PRDX5: variants seen among roughly 807,000 people sequenced by gnomAD.
PRDX5 encodes the protein peroxiredoxin-5, mitochondrial.
A neutral mutation model predicts 23.8 loss-of-function variants in PRDX5; 21 were observed. The ratio of observed to expected loss-of-function variants is 0.88; its 90% CI spans 0.63 to 1.27. The LOEUF (loss-of-function observed/expected upper bound fraction) is 1.27. Among genes scored for constraint, PRDX5 ranks in the 50% most tolerant of loss-of-function variants. The pLI, the probability that PRDX5 is intolerant of heterozygous loss-of-function variation, is 0.00. For synonymous variants in PRDX5, 111 were observed against 113.3 expected (o/e 0.98, Z 0.13); for missense variants, 261 against 270.6 (o/e 0.96, Z 0.25).
intron 2 of PRDX5, among the ~76,000 whole-genome samples, chr11:64,320,372 A>G (rs1301943049): frequency 3.3e-5 from 5 of 152,160 alleles, no homozygotes; most frequent in Admixed American, 1.3e-4. Flanking sequence ...ATTAAATCCA[A>G]CACCCCTGTT....
chr11:64,319,274 C>T (rs529856741), intron 1 of PRDX5, among the ~76,000 whole-genome samples: 27 of 152,046 alleles, frequency 1.8e-4, no homozygotes, highest in Non-Finnish European at 2.8e-4. Flanking sequence ...GCCTGGACAC[C>T]CTCCCCCAAC....
At position 64,318,127 on chromosome 11, in the gene PRDX5, C is replaced by T. The variant is rs2135271837; in HGVS notation, c.-89C>T. ...GGAGGCGGCCCAGGCCCGCCTTCCG[C>T]AGGGTGTCGCCGCTGTGCCGCTAGC... On this transcript the variant is annotated 5_prime_UTR_variant, in exon 1 of 6. Coordinates refer to ENST00000265462, the MANE Select transcript of PRDX5 (RefSeq NM_012094.5). The T allele has an allele frequency of 6.4e-7, 1 of 1,554,142 alleles. No individual in the cohort carries two copies. Among genetic ancestry groups the T allele is most frequent in the East Asian group, 2.3e-5 (1 of 42,594 alleles).
At chr11:64,318,837 A>ACCCCCCCCCCCCCCCCCCCCCCC (rs374862180) in intron 1 of PRDX5, among the ~76,000 whole-genome samples, 7 of 77,464 alleles carry the variant, frequency 9.0e-5, no homozygotes, top group African/African-American at 2.5e-4. Flanking sequence ...CCTCAGGTGA[A>ACCCCCCCCCCCCCCCCCCCCCCC]CCCCCCCCGC....
chr11:64,319,638 T>A, intron 1 of PRDX5, 96 bp from the exon 2 acceptor site: 2 of 1,457,036 alleles, frequency 1.4e-6, no homozygotes, highest in Non-Finnish European at 1.9e-6. Flanking sequence ...CAGCCCCGGT[T>A]CCTGCAGGCA....
chr11:64,321,210 G>A (rs2035489739), intron 5 of PRDX5, 142 bp downstream of exon 5: 1 of 1,020,528 alleles, frequency 9.8e-7, no homozygotes, highest in East Asian at 2.4e-5. Flanking sequence ...CGTCTGTGGG[G>A]AGAGTCCTGT....
At position 64,321,019 on chromosome 11, in the gene PRDX5, T is replaced by C. The variant is rs1395680544; in HGVS notation, c.490T>C (p.Leu164=). The C allele has an allele frequency of 2.5e-6, 4 of 1,614,148 alleles. No individual in the cohort carries two copies. Among genetic ancestry groups the C allele is most frequent in the Admixed American group, 1.7e-5 (1 of 60,030 alleles). Reference sequence around the variant, plus strand: ...TGTCTCTTCTTAGGAGACAGACTTATTACTAGATGATTCGCTGGTGTCCAT... The same window carrying C: ...TGTCTCTTCTTAGGAGACAGACTTACTACTAGATGATTCGCTGGTGTCCAT... ...TGAFGKETDL[L]LDDSLVSIFG... The change falls in exon 5 of 6, where the codon TTA becomes CTA. Residue 164 remains leucine (L), a synonymous_variant. Coordinates refer to ENST00000265462, the MANE Select transcript of PRDX5 (RefSeq NM_012094.5).
Position 64,319,818 on chromosome 11 carries a change from A to C in PRDX5, c.256A>C (p.Lys86Gln). The C allele has an allele frequency of 6.2e-7, 1 of 1,614,134 alleles. No individual in the cohort carries two copies. Among genetic ancestry groups the C allele is most frequent in the Non-Finnish European group, 8.5e-7 (1 of 1,180,002 alleles). The part of the protein sequence containing the change: ...VNLAELFKGK[K>Q]GVLFGVPGAF... ...CCTGGCAGAGCTGTTCAAGGGCAAGAAGGGTGTGCTGTTTGGAGTTCCTGG... is the reference window on the plus strand; with the variant it reads ...CCTGGCAGAGCTGTTCAAGGGCAAGCAGGGTGTGCTGTTTGGAGTTCCTGG... The change falls in exon 2 of 6, where the codon AAG (lysine) becomes CAG (glutamine). Residue 86 changes from lysine (K) to glutamine (Q), a missense_variant. Physicochemically the swap from Lys to Gln is moderately conservative, Grantham distance 53. Coordinates refer to ENST00000265462, the MANE Select transcript of PRDX5 (RefSeq NM_012094.5).
rs2035505961 is a variant in PRDX5 at position 64,321,736 on chromosome 11, G to A, written c.*45G>A. ...TCCTCCACCCCTCCCTATCTCACCT[G>A]CCCAGCCCTGTGCTGGGGCCCTGCA... On this transcript the variant is annotated 3_prime_UTR_variant, in exon 6 of 6. Transcript: ENST00000265462. The A allele has an allele frequency of 2.0e-6, 3 of 1,527,856 alleles. No individual in the cohort carries two copies. Among genetic ancestry groups the A allele is most frequent in the South Asian group, 2.4e-5 (2 of 82,042 alleles). The allele number at this position is 1,527,856 out of a possible 1,614,324, so 94.6% of individuals were successfully genotyped here. A position where few individuals can be genotyped will look rare whatever the true frequency, so the allele number is the denominator to read the frequency against.
In PRDX5 at chr11:64,319,642, G is replaced by C. The variant is rs1312034575; in HGVS notation, c.172-92G>C. The C allele has an allele frequency of 2.0e-6, 3 of 1,475,346 alleles. No individual in the cohort carries two copies. The Admixed American group carries it at 6.3e-5, about 31-fold the overall frequency. The allele number at this position is 1,475,346 out of a possible 1,614,324, so 91.4% of individuals were successfully genotyped here. A position where few individuals can be genotyped will look rare whatever the true frequency, so the allele number is the denominator to read the frequency against. On this transcript the variant is annotated intron_variant, in intron 1 of 5. Coordinates refer to ENST00000265462, the MANE Select transcript of PRDX5 (RefSeq NM_012094.5). ...CTGCTGGGTTTCAGCCCCGGTTCCTGCAGGCACAGCTGCCAGGCTCTCTGT... is the reference window on the plus strand; with the variant it reads ...CTGCTGGGTTTCAGCCCCGGTTCCTCCAGGCACAGCTGCCAGGCTCTCTGT...
At chr11:64,321,339 T>TG (rs1322241483) in intron 5 of PRDX5, among the ~76,000 whole-genome samples, 2 of 144,050 alleles carry the variant, frequency 1.4e-5, no homozygotes, top group Admixed American at 6.9e-5. Flanking sequence ...GAGTCCTGTG[T>TG]GGGGAGAGTC....
At chr11:64,320,837 C>T in intron 3 of PRDX5, 28 bp from the exon 4 acceptor site, 1 of 1,614,180 alleles carries the variant, frequency 6.2e-7, no homozygotes, top group Non-Finnish European at 8.5e-7. Context: ...GTAGGATATT[C>T]TTCTTGTGAC....
intron 1 of PRDX5, among the ~76,000 whole-genome samples, chr11:64,319,250 T>A (rs1379724920): frequency 1.3e-5 from 2 of 151,870 alleles, no homozygotes; most frequent in East Asian, 1.9e-4. Context: ...GTTCTACACC[T>A]CCTGGGTGTA....
rs772041501 is a variant in PRDX5 at position 64,320,861 on chromosome 11, G to T, written c.439-4G>T. 1.2e-5 allele frequency: 19 copies of T among 1,614,234 alleles called. No homozygotes were observed. The highest frequency in any genetic ancestry group is 1.6e-5 in the Non-Finnish European group (19 of 1,180,042). On this transcript the variant is annotated splice_polypyrimidine_tract_variant and splice_region_variant and intron_variant, in intron 3 of 5. Transcript: ENST00000265462. ...TCTTCTTGTGACCTTTACTTTCTCTGCAGGTTCGGCTCCTGGCTGATCCCA... is the reference window on the plus strand; with the variant it reads ...TCTTCTTGTGACCTTTACTTTCTCTTCAGGTTCGGCTCCTGGCTGATCCCA...
At chr11:64,320,449 C>T (rs907400153) in intron 2 of PRDX5, among the ~76,000 whole-genome samples, 4 of 152,134 alleles carry the variant, frequency 2.6e-5, no homozygotes, top group Non-Finnish European at 5.9e-5. Context: ...ATAGATCTGC[C>T]CATGGAAAGT....
intron 5 of PRDX5, 61 bp from the exon 6 acceptor site, chr11:64,321,525 T>A: frequency 1.3e-6 from 2 of 1,583,616 alleles, no homozygotes; most frequent in South Asian, 2.3e-5. Flanking sequence ...TCACTGCCTG[T>A]CTCCATGCCC....
chr11:64,320,328 C>T (rs1231329976), intron 2 of PRDX5, among the ~76,000 whole-genome samples: 1 of 149,244 alleles, frequency 6.7e-6, no homozygotes, highest in African/African-American at 2.5e-5. Context: ...AAAAAGGGAA[C>T]AGTACCAGGA....
At chr11:64,319,256 G>A (rs983106095) in intron 1 of PRDX5, among the ~76,000 whole-genome samples, 1 of 151,858 alleles carries the variant, frequency 6.6e-6, no homozygotes, top group Non-Finnish European at 1.5e-5. Context: ...CACCTCCTGG[G>A]TGTAGGGGCC....
intron 2 of PRDX5, among the ~76,000 whole-genome samples, 197 bp from the exon 3 acceptor site, chr11:64,320,464 G>A (rs1591257594): frequency 2.0e-5 from 3 of 152,310 alleles, no homozygotes; most frequent in South Asian, 4.1e-4. Flanking sequence ...GAAAGTTCAC[G>A]TCTGGACCAT....
At chr11:64,320,640 C>A in intron 2 of PRDX5, 21 bp from the exon 3 acceptor site, 1 of 1,566,930 alleles carries the variant, frequency 6.4e-7, no homozygotes, top group Non-Finnish European at 8.7e-7. Flanking sequence ...CCTTTGCCGA[C>A]CCTTTGTTCC....
Sources: allele counts gnomAD v4.1 joint callset (sites outside exome capture counted in the v4.1 genomes callset), GRCh38; gene constraint gnomAD v4.1.1; transcripts MANE v1.5; gene names NCBI Gene and HGNC (gene_info 2026-07-23, HGNC 2026-07-21).